Variants in GAN observed in about 807,000 individuals in gnomAD.
GAN encodes the protein epididymis secretory sperm binding protein.
In GAN, 48 loss-of-function variants were observed where a neutral mutation model predicts 71.3. That is an observed-to-expected ratio of 0.67 (90% CI 0.53 to 0.86). GAN has a LOEUF of 0.86. GAN is among the 40% of genes least tolerant of loss of function. GAN has a pLI of 0.00. For missense variants in GAN, 928 were observed against 770.1 expected, an observed-to-expected ratio of 1.21 and a Z score of -2.43; for synonymous variants, 386 against 276.8, an observed-to-expected ratio of 1.39 and a Z score of -3.92.
At position 81,390,646 on chromosome 16, in the gene GAN, A is replaced by T. The variant is rs979971590; in HGVS notation, c.*13050A>T. On this transcript the variant is annotated 3_prime_UTR_variant, in exon 11 of 11. Coordinates refer to ENST00000648994, the MANE Select transcript of GAN (RefSeq NM_022041.4). Reference sequence around the variant, plus strand: ...TATAACTGTAAGAAAACAGAAACAGAGTGTTGTATTTTGATCTGAAATTTG... The same window carrying T: ...TATAACTGTAAGAAAACAGAAACAGTGTGTTGTATTTTGATCTGAAATTTG... 2.0e-5 allele frequency: 3 copies of T among 152,202 alleles called. No individual in the cohort carries two copies. The highest frequency in any genetic ancestry group is 7.2e-5 in the African/African-American group (3 of 41,444). The allele number at this position is 152,202 out of a possible 1,614,324, so 9.4% of individuals were successfully genotyped here.
At chr16:81,351,559 T>G (rs374039254) in intron 1 of GAN, 24 bp from the exon 2 acceptor site, 50 of 932,966 alleles carry the variant, frequency 5.4e-5, no homozygotes, top group Non-Finnish European at 8.6e-5. Context: ...TCATAGAAAT[T>G]TTACATTTTT....
intron 1 of GAN, among the ~76,000 whole-genome samples, chr16:81,322,162 T>C (rs544909031): frequency 6.6e-6 from 1 of 152,354 alleles, no homozygotes; most frequent in African/African-American, 2.4e-5. Context: ...ATAAAGATTA[T>C]TACAGAAATA....
intron 9 of GAN, among the ~76,000 whole-genome samples, chr16:81,367,901 A>G (rs1360025638): frequency 1.3e-5 from 2 of 152,214 alleles, no homozygotes; most frequent in African/African-American, 2.4e-5. Flanking sequence ...AGGCTTTCCT[A>G]TAACTATCGA....
rs940252490 is a variant in GAN, at chr16:81,383,923, A to C, written c.*6327A>C. 1 of 152,034 alleles carries C rather than the reference A, an allele frequency of 6.6e-6. No homozygotes were observed. The highest frequency in any genetic ancestry group is 1.5e-5 in the Non-Finnish European group (1 of 68,010). 9.4% of individuals were successfully genotyped at this position (152,034 alleles called of 1,614,324 possible). On this transcript the variant is annotated 3_prime_UTR_variant, in exon 11 of 11. Transcript: ENST00000648994. ...TATTTATTAGGATCTTATTTTTAGCATTTCATTACAAGTAATAGGTTTGGG... is the reference window on the plus strand; with the variant it reads ...TATTTATTAGGATCTTATTTTTAGCCTTTCATTACAAGTAATAGGTTTGGG...
At chr16:81,364,296 G>A (rs375784879) in intron 7 of GAN, among the ~76,000 whole-genome samples, 3 of 152,088 alleles carry the variant, frequency 2.0e-5, no homozygotes, top group African/African-American at 7.2e-5. Flanking sequence ...TTGAGAGAGG[G>A]TCTTACTCTG....
chr16:81,352,377 G>A (rs1252644303), intron 2 of GAN, among the ~76,000 whole-genome samples: 7 of 152,148 alleles, frequency 4.6e-5, no homozygotes, highest in Non-Finnish European at 4.4e-5. Flanking sequence ...TCCCCATGAC[G>A]TGATTTCAAG....
intron 9 of GAN, among the ~76,000 whole-genome samples, chr16:81,370,352 G>T (rs954670732): frequency 6.6e-6 from 1 of 152,178 alleles, no homozygotes; most frequent in Non-Finnish European, 1.5e-5. Context: ...ATCTGTTTCA[G>T]TCATGGTCCA....
chr16:81,318,552 A>G (rs777886655), intron 1 of GAN, among the ~76,000 whole-genome samples: 70 of 152,210 alleles, frequency 4.6e-4, no homozygotes, highest in Non-Finnish European at 7.5e-4. Flanking sequence ...TTTGCTTACT[A>G]TGTGCCCAAC....
In GAN at chr16:81,377,443, T is replaced by G; in HGVS notation, c.1641T>G (p.Phe547Leu). The change falls in exon 11 of 11, where the codon TTT becomes TTG. Residue 547 changes from phenylalanine (F) to leucine (L), a missense_variant. Phe to Leu is a conservative substitution (Grantham distance 22). Transcript: ENST00000648994. Reference sequence around the variant, plus strand: ...CCAATTACGACTACGTGCGTGAGTTTAAAAGAAGCACAGGAACCTGGCACC... The same window carrying G: ...CCAATTACGACTACGTGCGTGAGTTGAAAAGAAGCACAGGAACCTGGCACC... ...TGTNYDYVRE[F>L]KRSTGTWHHT... 1 of 1,614,134 alleles carries G rather than the reference T, an allele frequency of 6.2e-7. No homozygotes were observed. Among genetic ancestry groups the G allele is most frequent in the Non-Finnish European group, 8.5e-7 (1 of 1,179,982 alleles).
At chr16:81,348,226 T>A (rs190620555) in intron 1 of GAN, among the ~76,000 whole-genome samples, 13 of 152,076 alleles carry the variant, frequency 8.5e-5, no homozygotes, top group East Asian at 5.8e-4. Context: ...TTTAAAAAAA[T>A]TTTTTTTTCA....
chr16:81,336,604 C>T (rs1909769890), intron 1 of GAN, among the ~76,000 whole-genome samples: 1 of 151,346 alleles, frequency 6.6e-6, no homozygotes, highest in Non-Finnish European at 1.5e-5. Flanking sequence ...GCTAGGACCA[C>T]AGGTGTGCAC....
intron 3 of GAN, among the ~76,000 whole-genome samples, chr16:81,355,428 G>A (rs369410930): frequency 9.0e-4 from 137 of 152,284 alleles, no homozygotes; most frequent in African/African-American, 3.1e-3. Flanking sequence ...AGAGTGGCAC[G>A]ATCATAGCTC....
rs576750185 is a variant in GAN, at chr16:81,352,741, G to T, written c.282+1044G>T. Among the ~76,000 whole-genome samples the T allele has an allele frequency of 1.1e-4, 16 of 152,222 alleles. No individual in the cohort carries two copies. The South Asian group carries it at 2.5e-3, about 24-fold the overall frequency. ...TTTCTCTCTTCTCTCAGCACTAGTGGGTGGGTGTGTACGTGTATGATTGTT... is the reference window on the plus strand; with the variant it reads ...TTTCTCTCTTCTCTCAGCACTAGTGTGTGGGTGTGTACGTGTATGATTGTT... On this transcript the variant is annotated intron_variant, in intron 2 of 10. Transcript: ENST00000648994.
At chr16:81,318,035 A>G (rs1048794300) in intron 1 of GAN, among the ~76,000 whole-genome samples, 1 of 152,238 alleles carries the variant, frequency 6.6e-6, no homozygotes, top group East Asian at 1.9e-4. Context: ...ACGAATCTGT[A>G]TCACTAACTA....
chr16:81,365,449 G>A lies in GAN; in HGVS notation c.1473G>A (p.Lys491=), dbSNP rs1301319831. 1 of 1,613,522 alleles carries A rather than the reference G, an allele frequency of 6.2e-7. No individual in the cohort carries two copies. Among genetic ancestry groups the A allele is most frequent in the African/African-American group, 1.3e-5 (1 of 74,688 alleles). Residue 491 remains lysine, a synonymous_variant, in exon 9 of 11, where the codon AAG becomes AAA. Coordinates refer to ENST00000648994, the MANE Select transcript of GAN (RefSeq NM_022041.4). ...AGGGTAGCGAGATGGTAACTTGCAA[G>A]TCCGAGTTCTACCATGATGAGTTTA... ...DAQGSEMVTC[K]SEFYHDEFKR...
intron 1 of GAN, among the ~76,000 whole-genome samples, chr16:81,326,363 CAAAAAAAA>C: frequency 7.2e-6 from 1 of 138,746 alleles, no homozygotes; most frequent in East Asian, 2.1e-4. Flanking sequence ...ACTAAAAATA[CAAAAAAAA>C]AAAAAAAAAA....
At chr16:81,330,555 A>T (rs906770863) in intron 1 of GAN, among the ~76,000 whole-genome samples, 6 of 152,266 alleles carry the variant, frequency 3.9e-5, no homozygotes, top group African/African-American at 4.8e-5. Context: ...TAATAAATGG[A>T]GGAGAGGAGA....
At chr16:81,326,096 G>A (rs1431803808) in intron 1 of GAN, among the ~76,000 whole-genome samples, 1 of 152,200 alleles carries the variant, frequency 6.6e-6, no homozygotes, top group Non-Finnish European at 1.5e-5. Context: ...CCTTCAGCAA[G>A]GAGTGCATCA....
chr16:81,369,315 A>G (rs1404434137), intron 9 of GAN, among the ~76,000 whole-genome samples: 1 of 152,230 alleles, frequency 6.6e-6, no homozygotes, highest in Non-Finnish European at 1.5e-5. Context: ...ATAGAAAACC[A>G]GAAACAATAC....
Sources: gnomAD v4.1 joint callset for allele counts (sites outside exome capture counted in the v4.1 genomes callset) on GRCh38, gnomAD v4.1.1 for gene constraint, MANE v1.5 for transcripts, NCBI Gene and HGNC (gene_info 2026-07-23, HGNC 2026-07-21) for gene names.